PPP1R16B: variants seen among roughly 807,000 people sequenced by gnomAD.
PPP1R16B encodes protein phosphatase 1 regulatory inhibitor subunit 16B.
A neutral mutation model predicts 61.7 loss-of-function variants in PPP1R16B; 14 were observed. The observed-to-expected ratio is 0.23, with a 90% CI of 0.15 to 0.35. PPP1R16B has a LOEUF of 0.35. Ranked by LOEUF, PPP1R16B falls within the 10% of genes least tolerant of loss-of-function variation. PPP1R16B has a pLI of 1.00. For synonymous variants in PPP1R16B, 266 were observed against 305.3 expected (o/e 0.87, Z 1.34); for missense variants, 547 against 752.5 (o/e 0.73, Z 3.19).
intron 2 of PPP1R16B, among the ~76,000 whole-genome samples, chr20:38,873,873 C>T (rs1201433076): frequency 6.6e-6 from 1 of 151,914 alleles, no homozygotes; most frequent in East Asian, 1.9e-4. Context: ...GGATTACAGG[C>T]ATGTGCCACC....
chr20:38,806,163 G>A lies in PPP1R16B; in HGVS notation c.-102+371G>A, dbSNP rs1208133379. Among the ~76,000 whole-genome samples the A allele has an allele frequency of 6.6e-6, 1 of 152,102 alleles. No homozygotes were observed. Among genetic ancestry groups the A allele is most frequent in the Non-Finnish European group, 1.5e-5 (1 of 68,000 alleles). ...CATGGGGCCGCCGTCTGCCGGGGGT[G>A]CAATGCCGGGCGGCGGGAGCCACAG... On this transcript the variant is annotated intron_variant, in intron 1 of 10. Coordinates refer to ENST00000299824, the MANE Select transcript of PPP1R16B (RefSeq NM_015568.4). This position sits in a 1 kb window ranked among gnomAD's most constrained non-coding sequence, Gnocchi z 4.5.
intron 2 of PPP1R16B, among the ~76,000 whole-genome samples, chr20:38,878,157 A>C (rs936621929): frequency 2.0e-5 from 3 of 151,992 alleles, no homozygotes; most frequent in African/African-American, 7.3e-5. Flanking sequence ...TTTTCCATCG[A>C]TAATATGGAA....
intron 2 of PPP1R16B, among the ~76,000 whole-genome samples, chr20:38,874,763 A>G (rs1329620172): frequency 6.6e-6 from 1 of 152,156 alleles, no homozygotes; most frequent in Non-Finnish European, 1.5e-5. Flanking sequence ...TCTCTCATAC[A>G]TTCTCATGGT....
At position 38,908,111 on chromosome 20, in the gene PPP1R16B, G is replaced by C; in HGVS notation, c.1112G>C (p.Arg371Pro). 1 of 1,614,212 alleles carries C rather than the reference G, an allele frequency of 6.2e-7. No homozygotes were observed. The highest frequency in any genetic ancestry group is 8.5e-7 in the Non-Finnish European group (1 of 1,180,036). ...GAGGGAGAGGCCATCCTGTGGCAGCGGAGTGCAGCTGAGGATCAGCGGACC... is the reference window on the plus strand; with the variant it reads ...GAGGGAGAGGCCATCCTGTGGCAGCCGAGTGCAGCTGAGGATCAGCGGACC... ...EYEGEAILWQ[R>P]SAAEDQRTST... Residue 371 changes from arginine (R) to proline (P), a missense_variant, in exon 10 of 11, where the codon CGG becomes CCG. By Grantham distance (103) the Arg-to-Pro change is moderately radical. Coordinates refer to ENST00000299824, the MANE Select transcript of PPP1R16B (RefSeq NM_015568.4).
At chr20:38,815,751 T>A (rs1360585863) in intron 1 of PPP1R16B, among the ~76,000 whole-genome samples, 1 of 152,244 alleles carries the variant, frequency 6.6e-6, no homozygotes, top group Non-Finnish European at 1.5e-5. Context: ...TATGACCCTT[T>A]GGATTATGCC....
intron 2 of PPP1R16B, among the ~76,000 whole-genome samples, chr20:38,843,067 C>A (rs1234547463): frequency 3.3e-5 from 5 of 152,142 alleles, no homozygotes. Context: ...GGAAGTGGTC[C>A]TCAAACTTTT....
intron 4 of PPP1R16B, 129 bp downstream of exon 4, chr20:38,895,839 C>G: frequency 1.0e-6 from 1 of 1,001,726 alleles, no homozygotes; most frequent in South Asian, 1.8e-5. Context: ...TTTCTCTCCT[C>G]CCTTCCTCCT....
At chr20:38,886,191 T>A (rs2085243624) in intron 2 of PPP1R16B, among the ~76,000 whole-genome samples, 1 of 152,200 alleles carries the variant, frequency 6.6e-6, no homozygotes, top group East Asian at 1.9e-4. Context: ...AGCCAGGCCT[T>A]GGGCTCCTAG....
intron 2 of PPP1R16B, among the ~76,000 whole-genome samples, chr20:38,849,664 AAAC>A (rs1208321883): frequency 2.0e-5 from 3 of 147,558 alleles, no homozygotes; most frequent in African/African-American, 7.5e-5. Flanking sequence ...CCTGATTTAA[AAAC>A]AACAACAACA....
At chr20:38,814,198 A>G (rs1337750055) in intron 1 of PPP1R16B, among the ~76,000 whole-genome samples, 6 of 152,230 alleles carry the variant, frequency 3.9e-5, no homozygotes, top group Non-Finnish European at 8.8e-5. Context: ...TGGAAAAGTC[A>G]GGATTCCATT....
chr20:38,832,791 G>T (rs2084845707), intron 1 of PPP1R16B, among the ~76,000 whole-genome samples: 2 of 151,928 alleles, frequency 1.3e-5, no homozygotes, highest in Non-Finnish European at 2.9e-5. Flanking sequence ...GATGGTGGGT[G>T]CCTGTAATCT....
chr20:38,828,243 A>C (rs1031659007), intron 1 of PPP1R16B, among the ~76,000 whole-genome samples: 9 of 152,214 alleles, frequency 5.9e-5, no homozygotes, highest in African/African-American at 1.9e-4. Context: ...GTGGGCAGGG[A>C]AACCTGGCTT....
intron 1 of PPP1R16B, among the ~76,000 whole-genome samples, chr20:38,829,866 C>T (rs1325060500): frequency 6.6e-6 from 1 of 152,206 alleles, no homozygotes; most frequent in Non-Finnish European, 1.5e-5. Flanking sequence ...AACCAGTAAT[C>T]AAGAGGGAGC....
At chr20:38,893,808 C>A (rs939375294) in intron 3 of PPP1R16B, among the ~76,000 whole-genome samples, 1 of 152,134 alleles carries the variant, frequency 6.6e-6, no homozygotes, top group African/African-American at 2.4e-5. Context: ...GGCACACAGT[C>A]CCCTCGCCCT....
intron 3 of PPP1R16B, 29 bp downstream of exon 3, chr20:38,889,694 G>T: frequency 6.5e-7 from 1 of 1,537,538 alleles, no homozygotes; most frequent in South Asian, 1.1e-5. Flanking sequence ...GGGCTCCAGG[G>T]CTCCCTGCCC....
chr20:38,881,318 T>G (rs2085202014), intron 2 of PPP1R16B, among the ~76,000 whole-genome samples: 1 of 152,180 alleles, frequency 6.6e-6, no homozygotes, highest in South Asian at 2.1e-4. Flanking sequence ...AGTGGGGTGA[T>G]TTTTGGAAGC....
chr20:38,855,718 A>G (rs1462748665), intron 2 of PPP1R16B, among the ~76,000 whole-genome samples: 1 of 151,644 alleles, frequency 6.6e-6, no homozygotes, highest in African/African-American at 2.4e-5. Flanking sequence ...GAGCTGCAAC[A>G]GGGCCATGCC....
At chr20:38,894,546 C>T (rs935640550) in intron 3 of PPP1R16B, among the ~76,000 whole-genome samples, 1 of 152,232 alleles carries the variant, frequency 6.6e-6, no homozygotes, top group Non-Finnish European at 1.5e-5. Context: ...TGATCATGCT[C>T]CCCTTCGTAG....
chr20:38,859,889 C>G (rs1419775704), intron 2 of PPP1R16B, among the ~76,000 whole-genome samples: 1 of 152,082 alleles, frequency 6.6e-6, no homozygotes, highest in African/African-American at 2.4e-5. Flanking sequence ...TCCAATATAT[C>G]CAAAATGTCA....
Sources: allele counts gnomAD v4.1 joint callset (sites outside exome capture counted in the v4.1 genomes callset), GRCh38; gene constraint gnomAD v4.1.1; non-coding constraint Gnocchi (gnomAD v3.1); transcripts MANE v1.5; gene names NCBI Gene and HGNC (gene_info 2026-07-23, HGNC 2026-07-21).